Variants in ZFAT observed in about 807,000 individuals in gnomAD.
ZFAT encodes the protein zinc finger and AT-hook domain containing.
A neutral mutation model predicts 117.7 loss-of-function variants in ZFAT; 64 were observed. The ratio of observed to expected loss-of-function variants is 0.54; its 90% CI spans 0.44 to 0.67. The LOEUF is 0.67. ZFAT is among the 30% of genes least tolerant of loss of function. The pLI, the probability that ZFAT is intolerant of heterozygous loss-of-function variation, is 0.00. For synonymous variants in ZFAT, 679 were observed against 615.0 expected (o/e 1.10, Z -1.54); for missense variants, 1,433 against 1,584.5 (o/e 0.90, Z 1.62).
At chr8:134,610,353 T>C in intron 4 of ZFAT, 117 bp downstream of exon 4, 1 of 1,134,974 alleles carries the variant, frequency 8.8e-7, no homozygotes, top group Non-Finnish European at 1.2e-6. Context: ...GGTGATTAAA[T>C]GGAGAGCCCC....
intron 7 of ZFAT, among the ~76,000 whole-genome samples, chr8:134,594,449 T>C (rs755219484): frequency 2.0e-5 from 3 of 152,230 alleles, no homozygotes; most frequent in East Asian, 1.9e-4. Flanking sequence ...AGAAAGTACA[T>C]GTAAGATTTC....
At chr8:134,520,421 G>A (rs1820569516) in intron 13 of ZFAT, among the ~76,000 whole-genome samples, 2 of 152,076 alleles carry the variant, frequency 1.3e-5, no homozygotes, top group South Asian at 2.1e-4. Context: ...TTTTCAGCAG[G>A]TGACTGGTTC....
At chr8:134,533,577 C>T (rs1821595751) in intron 11 of ZFAT, among the ~76,000 whole-genome samples, 1 of 152,212 alleles carries the variant, frequency 6.6e-6, no homozygotes, top group Non-Finnish European at 1.5e-5. Flanking sequence ...ACTGTATTTG[C>T]TTCTTTAGCT....
intron 11 of ZFAT, among the ~76,000 whole-genome samples, chr8:134,547,210 C>T (rs1052607622): frequency 6.6e-6 from 1 of 152,214 alleles, no homozygotes; most frequent in African/African-American, 2.4e-5. Context: ...GTTCACGGCC[C>T]GGTCTCCTTG....
At chr8:134,480,663 G>A (rs1168686986) in intron 15 of ZFAT, among the ~76,000 whole-genome samples, 2 of 152,206 alleles carry the variant, frequency 1.3e-5, no homozygotes, top group East Asian at 1.9e-4. Context: ...ATAGGGACTG[G>A]GGAGCCATGA....
upstream of ZFAT, among the ~76,000 whole-genome samples, chr8:134,717,730 CCT>C (rs1198869699): frequency 1.3e-5 from 2 of 151,494 alleles, no homozygotes; most frequent in African/African-American, 4.9e-5. Context: ...TCGTGATCCG[CCT>C]CTGTCACCCA....
chr8:134,486,927 CATGTGTGTAT>C (rs1255242494), intron 15 of ZFAT, among the ~76,000 whole-genome samples: 5 of 152,062 alleles, frequency 3.3e-5, no homozygotes, highest in African/African-American at 1.2e-4. Context: ...CATGGGTGTG[CATGTGTGTAT>C]ATGTGTGTTC....
chr8:134,610,455 G>C lies in ZFAT; in HGVS notation c.634+15C>G. 1 of 1,607,502 alleles carries C rather than the reference G, an allele frequency of 6.2e-7. No individual in the cohort carries two copies. Among genetic ancestry groups the C allele is most frequent in the African/African-American group, 1.3e-5 (1 of 74,464 alleles). ...CAAGGGTCTTGCCTTTTCCTTTCCC[G>C]CTTGGTGCAGTCACCTGGAATTGCT... On this transcript the variant is annotated intron_variant, in intron 4 of 15. Transcript: ENST00000377838.
Position 134,484,649 on chromosome 8 carries a change from C to T in ZFAT, c.3493-5928G>A, listed in dbSNP as rs112243274. Among the ~76,000 whole-genome samples, 430 of 152,290 alleles carry T rather than the reference C, an allele frequency of 2.8e-3. 3 individuals are homozygous for T. Among genetic ancestry groups the T allele is most frequent in the African/African-American group, 0.01 (418 of 41,560 alleles). ...TTTGACTTCTAGTCTGCAAAATTCCCCAGTCTGCATGAGGCAACTTCACAC... is the reference window on the plus strand; with the variant it reads ...TTTGACTTCTAGTCTGCAAAATTCCTCAGTCTGCATGAGGCAACTTCACAC... On this transcript the variant is annotated intron_variant, in intron 15 of 15. Transcript: ENST00000377838.
intron 11 of ZFAT, among the ~76,000 whole-genome samples, chr8:134,553,857 T>C (rs935319262): frequency 6.6e-6 from 1 of 152,108 alleles, no homozygotes; most frequent in Admixed American, 6.5e-5. Context: ...AGGCAGTAAG[T>C]GGGAAGCCAG....
chr8:134,575,322 G>C (rs922108418), intron 10 of ZFAT, among the ~76,000 whole-genome samples: 1 of 152,182 alleles, frequency 6.6e-6, no homozygotes, highest in Non-Finnish European at 1.5e-5. Context: ...GAAATCACAA[G>C]GGTCCTTATA....
At chr8:134,670,423 A>G (rs976467841) in intron 1 of ZFAT, among the ~76,000 whole-genome samples, 1 of 152,284 alleles carries the variant, frequency 6.6e-6, no homozygotes, top group Non-Finnish European at 1.5e-5. Context: ...CAGTGCAATC[A>G]AACTAGAACT....
At chr8:134,739,116 C>T in the ZFAT span, among the ~76,000 whole-genome samples, 1 of 152,142 alleles carries the variant, frequency 6.6e-6, no homozygotes, top group African/African-American at 2.4e-5. Context: ...CATCTGGGGC[C>T]GTTCTATATC....
chr8:134,548,135 A>G (rs1378891618), intron 11 of ZFAT, among the ~76,000 whole-genome samples: 1 of 152,150 alleles, frequency 6.6e-6, no homozygotes, highest in African/African-American at 2.4e-5. Context: ...TTTCTACAGA[A>G]CCTATTCATT....
chr8:134,645,968 C>T (rs1284295146), intron 2 of ZFAT, among the ~76,000 whole-genome samples: 6 of 151,894 alleles, frequency 4.0e-5, no homozygotes, highest in Non-Finnish European at 7.4e-5. Context: ...TTTGGGAGGC[C>T]GAGGCGGGTG....
rs142171088 is a variant in ZFAT, at chr8:134,490,618, C to T, written c.3493-11897G>A. Among the ~76,000 whole-genome samples the T allele has an allele frequency of 4.9e-4, 75 of 152,304 alleles. 1 individual carries two copies. In the East Asian group the frequency reaches 0.011, roughly 22 times the overall value. ...CTGACAGAGGGGCTACGGAATACAG[C>T]GGGCTGCTGTCTGGAATTGATATAA... On this transcript the variant is annotated intron_variant, in intron 15 of 15. Transcript: ENST00000377838.
the ZFAT span, among the ~76,000 whole-genome samples, chr8:134,761,354 G>A: frequency 6.6e-6 from 1 of 151,912 alleles, no homozygotes; most frequent in African/African-American, 2.4e-5. Flanking sequence ...GAAGAATGAG[G>A]GCTATGGAAA....
chr8:134,539,734 G>C (rs1221900545), intron 11 of ZFAT, among the ~76,000 whole-genome samples: 1 of 152,224 alleles, frequency 6.6e-6, no homozygotes, highest in African/African-American at 2.4e-5. Flanking sequence ...ACTGCTGATA[G>C]AAGTGGTGTT....
chr8:134,514,395 T>A (rs56935554), intron 13 of ZFAT, among the ~76,000 whole-genome samples: 1 of 152,342 alleles, frequency 6.6e-6, no homozygotes, highest in African/African-American at 2.4e-5. Flanking sequence ...TCTTCCAGTA[T>A]GTACTAATAC....
Sources: allele counts gnomAD v4.1 joint callset (sites outside exome capture counted in the v4.1 genomes callset), GRCh38; gene constraint gnomAD v4.1.1; transcripts MANE v1.5; gene names NCBI Gene and HGNC (gene_info 2026-07-23, HGNC 2026-07-21).